Variants in ARID1B observed in about 807,000 individuals in gnomAD.
ARID1B encodes the protein AT-rich interaction domain 1B.
ARID1B carries 30 observed loss-of-function variants against 212.3 expected under a neutral mutation model. The observed-to-expected ratio is 0.14, with a 90% CI of 0.11 to 0.19. The LOEUF (loss-of-function observed/expected upper bound fraction) is 0.19. Among genes scored for constraint, ARID1B ranks in the 10% least tolerant of loss-of-function variants. The pLI is 1.00. For synonymous variants in ARID1B, 1,402 were observed against 1,301.7 expected, an observed-to-expected ratio of 1.08 and a Z score of -1.66; for missense variants, 2,891 against 3,204.0, an observed-to-expected ratio of 0.90 and a Z score of 2.36.
At chr6:156,898,906 G>A (rs1582904170) in intron 2 of ARID1B, among the ~76,000 whole-genome samples, 1 of 152,210 alleles carries the variant, frequency 6.6e-6, no homozygotes, top group South Asian at 2.1e-4. Flanking sequence ...AGGAGGTGGA[G>A]GTTGTGGCGA....
Position 156,854,683 on chromosome 6 carries a change from C to T in ARID1B, c.1986+25262C>T, listed in dbSNP as rs140506533. Among the ~76,000 whole-genome samples the T allele has an allele frequency of 3.3e-3, 497 of 152,314 alleles. 2 individuals are homozygous for T. The highest frequency in any genetic ancestry group is 0.011 in the African/African-American group (472 of 41,564). On this transcript the variant is annotated intron_variant, in intron 2 of 19. Coordinates refer to ENST00000636930, the MANE Select transcript of ARID1B (RefSeq NM_001374828.1). ...CGCACCCATCCCGGCCATCCTGCCA[C>T]GCGGAATTGTGTCCACCTCTAGATA... is the stretch of plus-strand genomic sequence containing the variant.
chr6:157,108,921 A>G (rs536439297), intron 5 of ARID1B, among the ~76,000 whole-genome samples: 1 of 152,350 alleles, frequency 6.6e-6, no homozygotes, highest in South Asian at 2.1e-4. Context: ...AGTGGCAGTT[A>G]CACACTCAGG....
At position 156,864,499 on chromosome 6, in the gene ARID1B, T is replaced by G. The variant is rs141818753; in HGVS notation, c.1986+35078T>G. Among the ~76,000 whole-genome samples the G allele has an allele frequency of 7.9e-5, 12 of 152,334 alleles. 1 individual carries two copies. In the East Asian group the frequency reaches 2.3e-3, roughly 29 times the overall value. On this transcript the variant is annotated intron_variant, in intron 2 of 19. Coordinates refer to ENST00000636930, the MANE Select transcript of ARID1B (RefSeq NM_001374828.1). ...AGCCTAGTTTTTAAAAAGTTGTTAT[T>G]TGTATCAAGGTTATATGTGTAAATG... is the stretch of plus-strand genomic sequence containing the variant.
At chr6:157,146,628 A>G (rs1789744596) in intron 7 of ARID1B, among the ~76,000 whole-genome samples, 1 of 152,168 alleles carries the variant, frequency 6.6e-6, no homozygotes, top group Non-Finnish European at 1.5e-5. Flanking sequence ...ACACACATGC[A>G]TACCCATACG....
chr6:157,170,041 C>CCTA (rs1791606289), intron 9 of ARID1B: 1 of 152,370 alleles, frequency 6.6e-6, no homozygotes, highest in South Asian at 2.1e-4. Context: ...CTGAGAACCT[C>CCTA]CTACCTCTGG....
At chr6:156,840,665 A>G (rs183788709) in intron 2 of ARID1B, among the ~76,000 whole-genome samples, 62 of 152,344 alleles carry the variant, frequency 4.1e-4, no homozygotes, top group Non-Finnish European at 5.9e-4. Flanking sequence ...GTGCTCTGAG[A>G]ACAAAGCCTG....
intron 4 of ARID1B, among the ~76,000 whole-genome samples, chr6:156,957,582 G>T (rs1454033320): frequency 2.0e-5 from 3 of 152,124 alleles, no homozygotes. Context: ...ATTAGGTTAG[G>T]GTTGATTTGG....
chr6:156,911,385 T>G (rs4870497), intron 3 of ARID1B, among the ~76,000 whole-genome samples: 55,437 of 142,494 alleles, frequency 0.39, 13,464 homozygotes, highest in African/African-American at 0.7. Flanking sequence ...ATACCCAAAC[T>G]TTGGCACTTT....
chr6:157,200,811 A>G lies in ARID1B; in HGVS notation c.4586A>G (p.Gln1529Arg), dbSNP rs534466124. ...AGCCAGCAGCAGGAGATGTACAACC[A>G]GTATGGAGGCTCCTACTCGGGCCCG... Reference protein sequence around the residue: ...YSSQQQEMYNQYGGSYSGPDR... With the variant: ...YSSQQQEMYNRYGGSYSGPDR... Residue 1529 changes from glutamine (Q) to arginine (R), a missense_variant, in exon 18 of 20, where the codon CAG (glutamine) becomes CGG (arginine). This residue lies in a region of ARID1B where 666 missense variants were observed against 873.5 expected (regional missense o/e 0.76). Coordinates refer to ENST00000636930, the MANE Select transcript of ARID1B (RefSeq NM_001374828.1). The surrounding 1 kb of genome is among the most constrained non-coding windows in gnomAD (Gnocchi z 4.3). 6.2e-7 allele frequency: 1 copy of G among 1,614,144 alleles called. No homozygotes were observed. The highest frequency in any genetic ancestry group is 8.5e-7 in the Non-Finnish European group (1 of 1,180,018).
chr6:157,175,877 A>AC (rs994962889), intron 11 of ARID1B: 6 of 152,062 alleles, frequency 3.9e-5, no homozygotes, highest in African/African-American at 1.4e-4. Context: ...AAAAAAAAAA[A>AC]CAACATGCAA....
At chr6:156,798,364 T>C (rs377198629) in intron 1 of ARID1B, among the ~76,000 whole-genome samples, 34 of 152,314 alleles carry the variant, frequency 2.2e-4, no homozygotes, top group African/African-American at 6.7e-4. Context: ...CAGATTATGC[T>C]GGTGGTGGTG....
rs1248655782 is a variant in ARID1B at position 156,777,402 on chromosome 6, C to T, written c.-279C>T. On this transcript the variant is annotated 5_prime_UTR_variant, in exon 1 of 20. Coordinates refer to ENST00000636930, the MANE Select transcript of ARID1B (RefSeq NM_001374828.1). ...CAAGCCATGCTGGGCCCGATAGGCT[C>T]AGCTAGTCGTGTATTTACCCATATC... is the stretch of plus-strand genomic sequence containing the variant. The T allele has an allele frequency of 6.6e-6, 1 of 151,144 alleles. No homozygotes were observed. Among genetic ancestry groups the T allele is most frequent in the Non-Finnish European group, 1.5e-5 (1 of 67,782 alleles). 9.4% of individuals were successfully genotyped at this position (151,144 alleles called of 1,614,324 possible). A position where few individuals can be genotyped will look rare whatever the true frequency, so the allele number is the denominator to read the frequency against.
At chr6:156,872,738 C>T (rs9480397) in intron 2 of ARID1B, among the ~76,000 whole-genome samples, 20,300 of 152,060 alleles carry the variant, frequency 0.13, 1,556 homozygotes, top group East Asian at 0.3. Flanking sequence ...AAATAGGTAT[C>T]TGAGAAATAA....
At chr6:156,934,241 T>C (rs1463429723) in intron 3 of ARID1B, among the ~76,000 whole-genome samples, 1 of 152,212 alleles carries the variant, frequency 6.6e-6, no homozygotes, top group Non-Finnish European at 1.5e-5. Flanking sequence ...ATAATAAGTA[T>C]TTAACAATTC....
chr6:156,882,587 T>C (rs1215981308), intron 2 of ARID1B, among the ~76,000 whole-genome samples: 2 of 152,220 alleles, frequency 1.3e-5, no homozygotes, highest in East Asian at 3.9e-4. Flanking sequence ...CTGTGGTCTC[T>C]TTCAATCAGG....
At chr6:157,184,693 G>A (rs1792843483) in intron 13 of ARID1B, 5 of 548,414 alleles carry the variant, frequency 9.1e-6, no homozygotes, top group South Asian at 2.1e-5. Flanking sequence ...AATCAAAACA[G>A]GCTTTCGAAT....
chr6:156,983,267 C>T (rs1294960904), intron 4 of ARID1B, among the ~76,000 whole-genome samples: 19 of 149,278 alleles, frequency 1.3e-4, no homozygotes, highest in Admixed American at 2.0e-4. Context: ...TGGTGGCAGG[C>T]GCCTGTAATC....
intron 4 of ARID1B, among the ~76,000 whole-genome samples, chr6:157,051,094 G>A (rs1782573485): frequency 6.6e-6 from 1 of 152,196 alleles, no homozygotes; most frequent in Non-Finnish European, 1.5e-5. Flanking sequence ...ATTATGCTGT[G>A]ATTATTCTGC....
intron 3 of ARID1B, chr6:156,901,920 CTTTGT>C (rs111632047): frequency 5.0e-4 from 100 of 198,902 alleles, no homozygotes; most frequent in African/African-American, 2.1e-3. Context: ...TTATCTTGAC[CTTTGT>C]TTTGTTTTGT....
Sources: gnomAD v4.1 joint callset for allele counts (sites outside exome capture counted in the v4.1 genomes callset) on GRCh38, gnomAD v4.1.1 for gene constraint, gnomAD v4.1.1 regional missense constraint, Gnocchi (gnomAD v3.1) non-coding constraint, MANE v1.5 for transcripts, NCBI Gene and HGNC (gene_info 2026-07-23, HGNC 2026-07-21) for gene names.